TAS2R1: variants seen among roughly 807,000 people sequenced by gnomAD.
The protein encoded by TAS2R1 is taste receptor type 2 member 1.
For missense variants in TAS2R1, 370 were observed against 353.4 expected (o/e 1.05, Z -0.38); for synonymous variants, 141 against 134.2 (o/e 1.05, Z -0.35).
chr5:9,637,625 A>T (rs559098632), intron 2 of TAS2R1, among the ~76,000 whole-genome samples: 1 of 152,150 alleles, frequency 6.6e-6, no homozygotes. Context: ...TTCATTTTTT[A>T]AAATTCTTTT....
At chr5:9,754,624 G>A in the TAS2R1 span, among the ~76,000 whole-genome samples, 11 of 152,114 alleles carry the variant, frequency 7.2e-5, no homozygotes, top group East Asian at 2.1e-3. Flanking sequence ...GCCAAATCAC[G>A]AGTGAACTCC....
At chr5:9,846,809 G>A in the TAS2R1 span, among the ~76,000 whole-genome samples, 3 of 152,128 alleles carry the variant, frequency 2.0e-5, no homozygotes, top group South Asian at 2.1e-4. Context: ...TTGACCAATT[G>A]AAAACAAAAC....
chr5:9,659,254 A>G (rs2126494105), intron 2 of TAS2R1, among the ~76,000 whole-genome samples: 1 of 152,266 alleles, frequency 6.6e-6, no homozygotes, highest in Admixed American at 6.5e-5. Flanking sequence ...CCCCATGGGA[A>G]TGAGTAGTAT....
chr5:9,756,400 A>G, the TAS2R1 span, among the ~76,000 whole-genome samples: 2 of 152,314 alleles, frequency 1.3e-5, no homozygotes, highest in African/African-American at 2.4e-5. Flanking sequence ...GGTTTGATCA[A>G]TGTCTCCCAA....
chr5:9,801,020 C>T, the TAS2R1 span, among the ~76,000 whole-genome samples: 69 of 152,194 alleles, frequency 4.5e-4, no homozygotes, highest in African/African-American at 1.5e-3. Context: ...GGTGAAACCC[C>T]GTCTCTACTA....
the TAS2R1 span, among the ~76,000 whole-genome samples, chr5:9,793,958 A>G: frequency 6.6e-6 from 1 of 152,182 alleles, no homozygotes. Flanking sequence ...TGTACTCAGG[A>G]AGATACAGAA....
the TAS2R1 span, among the ~76,000 whole-genome samples, chr5:9,797,801 TA>T: frequency 2.0e-4 from 30 of 151,622 alleles, 1 homozygote; most frequent in East Asian, 2.5e-3. Context: ...TCTACAATTA[TA>T]AAAAAAAATC....
chr5:9,717,014 C>A (rs1734826234), upstream of TAS2R1, among the ~76,000 whole-genome samples: 1 of 152,164 alleles, frequency 6.6e-6, no homozygotes, highest in African/African-American at 2.4e-5. Context: ...AGAACTCTCA[C>A]CACCTACTCA....
chr5:9,773,101 C>CT, the TAS2R1 span, among the ~76,000 whole-genome samples: 4 of 151,414 alleles, frequency 2.6e-5, no homozygotes, highest in East Asian at 1.9e-4. Context: ...TCCTTCATTT[C>CT]TTTTTTTTAG....
chr5:9,712,562 G>T (rs973641405), upstream of TAS2R1, among the ~76,000 whole-genome samples: 3 of 152,170 alleles, frequency 2.0e-5, no homozygotes, highest in African/African-American at 7.2e-5. Flanking sequence ...AATACAGAAA[G>T]CCTGCCTGAG....
At chr5:9,663,877 A>AC (rs1191983483) in intron 1 of TAS2R1, among the ~76,000 whole-genome samples, 1 of 152,228 alleles carries the variant, frequency 6.6e-6, no homozygotes. Flanking sequence ...GTGCACAGAC[A>AC]GAGGCAGAGA....
chr5:9,862,213 G>A, the TAS2R1 span, among the ~76,000 whole-genome samples: 23 of 148,748 alleles, frequency 1.5e-4, no homozygotes, highest in Non-Finnish European at 2.7e-4. Flanking sequence ...AAAAAAAAAT[G>A]AGCCAATTTT....
At chr5:9,717,600 A>G in the TAS2R1 span, among the ~76,000 whole-genome samples, 4 of 152,188 alleles carry the variant, frequency 2.6e-5, no homozygotes, top group Non-Finnish European at 5.9e-5. Context: ...GTTAAAACAT[A>G]ATATAGACTT....
chr5:9,690,426 G>C (rs1404933304), intron 1 of TAS2R1, among the ~76,000 whole-genome samples: 1 of 152,064 alleles, frequency 6.6e-6, no homozygotes, highest in Non-Finnish European at 1.5e-5. Flanking sequence ...CCTAATACAG[G>C]TCATGGTCCC....
chr5:9,769,445 G>A, the TAS2R1 span, among the ~76,000 whole-genome samples: 1 of 152,084 alleles, frequency 6.6e-6, no homozygotes, highest in Admixed American at 6.5e-5. Flanking sequence ...GGGATTGCTG[G>A]ATTATATAAA....
the TAS2R1 span, among the ~76,000 whole-genome samples, chr5:9,725,511 C>T: frequency 6.6e-6 from 1 of 152,214 alleles, no homozygotes; most frequent in East Asian, 1.9e-4. Context: ...GCCGGCCTAC[C>T]GGCGCTGCGC....
At chr5:9,718,784 C>T in the TAS2R1 span, among the ~76,000 whole-genome samples, 2 of 151,992 alleles carry the variant, frequency 1.3e-5, no homozygotes, top group South Asian at 2.1e-4. Context: ...AGTGGGATGG[C>T]CGATAACACA....
At chr5:9,877,339 G>A in the TAS2R1 span, among the ~76,000 whole-genome samples, 4 of 152,102 alleles carry the variant, frequency 2.6e-5, no homozygotes, top group Non-Finnish European at 4.4e-5. Flanking sequence ...AGAAAAAGAA[G>A]AGATTTTAGA....
At position 9,628,178 on chromosome 5, in the gene TAS2R1, C is replaced by G. The variant is rs988907097; in HGVS notation, c.*955G>C. Among the ~76,000 whole-genome samples, 1 of 131,998 alleles carries G rather than the reference C, an allele frequency of 7.6e-6. No homozygotes were observed. The highest frequency in any genetic ancestry group is 1.7e-5 in the Non-Finnish European group (1 of 60,424). 86.6% of individuals were successfully genotyped at this position (131,998 alleles called of 152,430 possible). ...TATCTATCTATCTATCTATCTATCT[C>G]TTAGTATTCAAAATCTCAACCAAAC... On this transcript the variant is annotated 3_prime_UTR_variant, in exon 1 of 1. Coordinates refer to ENST00000382492, the MANE Select transcript of TAS2R1 (RefSeq NM_019599.3).
Sources: gnomAD v4.1 joint callset for allele counts (sites outside exome capture counted in the v4.1 genomes callset) on GRCh38, gnomAD v4.1.1 for gene constraint, MANE v1.5 for transcripts, NCBI Gene and HGNC (gene_info 2026-07-23, HGNC 2026-07-21) for gene names.